Variants in ECPAS observed in about 807,000 individuals in gnomAD.
ECPAS encodes proteasome adapter and scaffold protein ECM29.
Under a neutral mutation model 255.1 loss-of-function variants are expected in ECPAS, and 70 were observed. The observed-to-expected ratio is 0.27, with a 90% CI of 0.23 to 0.33. The LOEUF (loss-of-function observed/expected upper bound fraction) is 0.33. ECPAS is among the 10% of genes least tolerant of loss of function. The pLI, the probability that ECPAS is intolerant of heterozygous loss-of-function variation, is 1.00. For missense variants in ECPAS, 1,817 were observed against 2,206.4 expected (o/e 0.82, Z 3.54); for synonymous variants, 784 against 775.0 (o/e 1.01, Z -0.19).
intron 49 of ECPAS, 85 bp downstream of exon 49, chr9:111,363,503 G>A (rs2098116513): frequency 1.3e-6 from 1 of 760,122 alleles, no homozygotes; most frequent in Non-Finnish European, 2.3e-6. Context: ...ATGCTTAAGA[G>A]TATAAGCAAA....
intron 30 of ECPAS, 52 bp from the exon 31 acceptor site, chr9:111,389,775 A>T: frequency 6.6e-7 from 1 of 1,524,226 alleles, no homozygotes; most frequent in Middle Eastern, 1.8e-4. Context: ...GTAAAATATT[A>T]ACATAGCAAA....
chr9:111,477,099 G>T (rs2098297174), intron 1 of ECPAS, among the ~76,000 whole-genome samples: 1 of 149,886 alleles, frequency 6.7e-6, no homozygotes, highest in Non-Finnish European at 1.5e-5. Context: ...ACCGCGCCTG[G>T]TCCTTTTTTC....
chr9:111,404,633 T>C (rs1448000896), intron 24 of ECPAS, among the ~76,000 whole-genome samples: 1 of 149,210 alleles, frequency 6.7e-6, no homozygotes, highest in Non-Finnish European at 1.5e-5. Flanking sequence ...TCTGCCAAGA[T>C]TGTAAGTTTC....
intron 35 of ECPAS, among the ~76,000 whole-genome samples, chr9:111,380,859 A>G (rs1231864499): frequency 6.6e-6 from 1 of 152,216 alleles, no homozygotes; most frequent in Non-Finnish European, 1.5e-5. Context: ...TTTCTTCTGC[A>G]GCTTCCTTAC....
chr9:111,414,082 C>G, intron 19 of ECPAS, 96 bp from the exon 20 acceptor site: 1 of 726,354 alleles, frequency 1.4e-6, no homozygotes, highest in Non-Finnish European at 2.2e-6. Context: ...ACTGCTTTAG[C>G]ACACATTCTT....
chr9:111,398,491 C>T (rs1332506111), intron 24 of ECPAS, among the ~76,000 whole-genome samples: 2 of 152,064 alleles, frequency 1.3e-5, no homozygotes, highest in Admixed American at 6.5e-5. Context: ...AAAATATGAA[C>T]AGATACATGG....
At chr9:111,430,501 C>T in intron 9 of ECPAS, 46 bp downstream of exon 9, 1 of 1,210,078 alleles carries the variant, frequency 8.3e-7, no homozygotes, top group South Asian at 1.3e-5. Context: ...TTCATGTCAA[C>T]AAACTACTTT....
In ECPAS at chr9:111,392,886, C is replaced by A; in HGVS notation, c.2978-4G>T. 1 of 1,592,208 alleles carries A rather than the reference C, an allele frequency of 6.3e-7. No homozygotes were observed. The highest frequency in any genetic ancestry group is 2.2e-5 in the East Asian group (1 of 44,540). On this transcript the variant is annotated splice_polypyrimidine_tract_variant and splice_region_variant and intron_variant, in intron 27 of 49. Transcript: ENST00000684092. ...GATGCAACATCTTGGCTAAGTTCTA[C>A]AAGAAAGTCAGACAAGATTGTATCA...
At chr9:111,384,467 A>G in intron 34 of ECPAS, 55 bp downstream of exon 34, 1 of 1,486,338 alleles carries the variant, frequency 6.7e-7, no homozygotes. Flanking sequence ...AATCATTGTC[A>G]TGGTCACCCA....
chr9:111,484,139 C>T lies in ECPAS; in HGVS notation c.-106G>A, dbSNP rs1446462198. The T allele has an allele frequency of 1.2e-5, 17 of 1,462,882 alleles. No individual in the cohort carries two copies. In the East Asian group the frequency reaches 1.5e-4, roughly 13 times the overall value. The allele number at this position is 1,462,882 out of a possible 1,614,324, so 90.6% of individuals were successfully genotyped here. A position where few individuals can be genotyped will look rare whatever the true frequency, so the allele number is the denominator to read the frequency against. ...ACCTGAGTCGGAGCCGGTCTCCATG[C>T]CGCGGACGCTGCGCTCGGCGCCGCG... On this transcript the variant is annotated 5_prime_UTR_variant, in exon 1 of 50. Coordinates refer to ENST00000684092, the MANE Select transcript of ECPAS (RefSeq NM_001364929.1).
At chr9:111,479,099 G>A (rs1463395838) in intron 1 of ECPAS, among the ~76,000 whole-genome samples, 2 of 152,074 alleles carry the variant, frequency 1.3e-5, no homozygotes, top group African/African-American at 2.4e-5. Flanking sequence ...GGGGACCTAA[G>A]AAGCCTGTTT....
intron 34 of ECPAS, 107 bp from the exon 35 acceptor site, chr9:111,383,439 G>T: frequency 7.3e-7 from 1 of 1,378,332 alleles, no homozygotes; most frequent in Non-Finnish European, 9.8e-7. Flanking sequence ...AAGAATAAGT[G>T]AATCTACTTT....
At chr9:111,472,834 T>A in intron 2 of ECPAS, 63 bp downstream of exon 2, 1 of 443,814 alleles carries the variant, frequency 2.3e-6, no homozygotes, top group Non-Finnish European at 3.8e-6. Flanking sequence ...CCTGATAACC[T>A]ATGCATTTTT....
chr9:111,371,079 T>C (rs958212067), intron 43 of ECPAS, among the ~76,000 whole-genome samples: 1 of 152,216 alleles, frequency 6.6e-6, no homozygotes, highest in African/African-American at 2.4e-5. Flanking sequence ...ACTTCATTCC[T>C]GCATGGGCCA....
chr9:111,418,980 A>C (rs1293087038), intron 16 of ECPAS, among the ~76,000 whole-genome samples: 3 of 152,222 alleles, frequency 2.0e-5, no homozygotes, highest in African/African-American at 4.8e-5. Context: ...GAAGTCAAAA[A>C]CCAGCACCTG....
chr9:111,436,762 G>A (rs2098238780), intron 7 of ECPAS, among the ~76,000 whole-genome samples, 178 bp downstream of exon 7: 1 of 152,164 alleles, frequency 6.6e-6, no homozygotes, highest in East Asian at 1.9e-4. Context: ...ACTCCTCCCT[G>A]CCCCTAGGGC....
chr9:111,443,399 C>T (rs771827193), intron 4 of ECPAS, among the ~76,000 whole-genome samples: 3 of 152,180 alleles, frequency 2.0e-5, no homozygotes, highest in East Asian at 3.9e-4. Flanking sequence ...TACAGGCACG[C>T]GCCACCACGC....
rs1367307196 is a variant in ECPAS at position 111,412,057 on chromosome 9, T to C, written c.2171A>G (p.Lys724Arg). 2 of 1,589,902 alleles carry C rather than the reference T, an allele frequency of 1.3e-6. No homozygotes were observed. Among genetic ancestry groups the C allele is most frequent in the African/African-American group, 2.7e-5 (2 of 73,230 alleles). ...CTTTATAAGCTGTTCTATCATTGAT[T>C]TCAACTCATTCCCCGACACTGTTGA... ...VVSTVSGNELKSMIEQLIKTT... is the reference protein window; with the variant it reads ...VVSTVSGNELRSMIEQLIKTT... Residue 724 changes from lysine to arginine, a missense_variant, in exon 21 of 50, where the codon AAA becomes AGA. Lys to Arg is a conservative substitution (Grantham distance 26). Coordinates refer to ENST00000684092, the MANE Select transcript of ECPAS (RefSeq NM_001364929.1).
chr9:111,414,054 C>A (rs2098199208), intron 19 of ECPAS, 68 bp from the exon 20 acceptor site: 2 of 1,052,112 alleles, frequency 1.9e-6, no homozygotes, highest in South Asian at 1.6e-5. Context: ...TCACTAAATT[C>A]CTTTAAAGTA....
Sources: allele counts gnomAD v4.1 joint callset (sites outside exome capture counted in the v4.1 genomes callset), GRCh38; gene constraint gnomAD v4.1.1; transcripts MANE v1.5; gene names NCBI Gene and HGNC (gene_info 2026-07-23, HGNC 2026-07-21).